MID1: variants seen among roughly 807,000 people sequenced by gnomAD.
MID1 encodes the protein E3 ubiquitin-protein ligase Midline-1.
A neutral mutation model predicts 40.4 loss-of-function variants in MID1; 7 were observed. That is an observed-to-expected ratio of 0.17 (90% CI 0.10 to 0.33). The LOEUF (loss-of-function observed/expected upper bound fraction) is 0.33. Ranked by LOEUF, MID1 falls within the 10% of genes least tolerant of loss-of-function variation. The probability of loss-of-function intolerance (pLI) is 1.00; values close to 1 mark genes in which losing one functional copy is unlikely to be tolerated. For synonymous variants in MID1, 229 were observed against 221.2 expected, an observed-to-expected ratio of 1.04 and a Z score of -0.31; for missense variants, 367 against 558.5, an observed-to-expected ratio of 0.66 and a Z score of 3.46.
intron 1 of MID1, among the ~76,000 whole-genome samples, chrX:10,676,000 C>T (rs2147066358): frequency 8.9e-6 from 1 of 112,063 alleles, no homozygotes; most frequent in Non-Finnish European, 1.9e-5. Flanking sequence ...CTAGGTACTA[C>T]TTGGATTTTT....
chrX:10,636,811 T>TATATATATATAC (rs1199460605), intron 1 of MID1, among the ~76,000 whole-genome samples: 5 of 90,444 alleles, frequency 5.5e-5, no homozygotes, highest in Non-Finnish European at 1.1e-4. Context: ...TATATATATA[T>TATATATATATAC]ATATATACAC....
intron 1 of MID1, among the ~76,000 whole-genome samples, chrX:10,669,711 T>C (rs2042976323): frequency 1.8e-5 from 2 of 112,447 alleles, no homozygotes; most frequent in Admixed American, 1.9e-4. Flanking sequence ...ATAAATCTCA[T>C]ATTTTTTGCA....
At chrX:10,582,000 C>T (rs1157438784) in intron 1 of MID1, among the ~76,000 whole-genome samples, 1 of 111,776 alleles carries the variant, frequency 8.9e-6, no homozygotes, top group Non-Finnish European at 1.9e-5. Flanking sequence ...TTGCTATTTG[C>T]CAGTTTCGTT....
intron 3 of MID1, among the ~76,000 whole-genome samples, chrX:10,516,287 C>A (rs1048654665): frequency 1.0e-4 from 11 of 106,191 alleles, no homozygotes; most frequent in Non-Finnish European, 1.7e-4. Flanking sequence ...CTCTGCCTCC[C>A]GGGTTCACGC....
At chrX:10,683,643 C>T (rs181996472) in intron 1 of MID1, among the ~76,000 whole-genome samples, 6 of 110,168 alleles carry the variant, frequency 5.4e-5, no homozygotes, top group South Asian at 3.9e-4. Flanking sequence ...AAATATTACA[C>T]GCACAGAGAC....
At chrX:10,464,779 T>C (rs934187847) in intron 7 of MID1, among the ~76,000 whole-genome samples, 3 of 111,963 alleles carry the variant, frequency 2.7e-5, no homozygotes, top group African/African-American at 9.8e-5. Flanking sequence ...TGAATTCTAC[T>C]TAGGCCCTGT....
At chrX:10,510,559 G>A (rs1016371016) in intron 3 of MID1, among the ~76,000 whole-genome samples, 11 of 111,526 alleles carry the variant, frequency 9.9e-5, no homozygotes, top group African/African-American at 2.0e-4. Flanking sequence ...CAGGCCGGGC[G>A]TGGTGGCTCA....
At chrX:10,591,759 C>T (rs1935306832) in intron 1 of MID1, among the ~76,000 whole-genome samples, 2 of 108,582 alleles carry the variant, frequency 1.8e-5, no homozygotes, top group Non-Finnish European at 3.8e-5. Flanking sequence ...CTGATCCTGA[C>T]TGGCAGCTCC....
intron 1 of MID1, among the ~76,000 whole-genome samples, chrX:10,770,221 G>A (rs1355778648): frequency 8.9e-6 from 1 of 112,076 alleles, no homozygotes; most frequent in Non-Finnish European, 1.9e-5. Flanking sequence ...TAAAAACAGT[G>A]AGATTTGGCT....
intron 1 of MID1, among the ~76,000 whole-genome samples, chrX:10,761,594 G>C (rs1236915805): frequency 8.9e-6 from 1 of 111,987 alleles, no homozygotes; most frequent in Non-Finnish European, 1.9e-5. Context: ...GGTCTTATGT[G>C]TTTTCACTTG....
intron 1 of MID1, among the ~76,000 whole-genome samples, chrX:10,824,286 A>G (rs2044199856): frequency 8.9e-6 from 1 of 112,216 alleles, no homozygotes; most frequent in African/African-American, 3.2e-5. Flanking sequence ...GTCTGGAAAC[A>G]GAAATTCTCA....
intron 1 of MID1, among the ~76,000 whole-genome samples, chrX:10,816,560 T>A (rs2044137042): frequency 9.0e-6 from 1 of 111,722 alleles, no homozygotes; most frequent in Non-Finnish European, 1.9e-5. Context: ...AGGGTTTTGT[T>A]TGTGCTGGGT....
At chrX:10,576,187 G>A (rs977271668) in intron 1 of MID1, among the ~76,000 whole-genome samples, 13 of 110,445 alleles carry the variant, frequency 1.2e-4, no homozygotes, top group African/African-American at 3.6e-4. Flanking sequence ...TTTTAATTTC[G>A]CCAAACACCC....
chrX:10,449,086 C>T lies in MID1; in HGVS notation c.*282G>A, dbSNP rs191424607. ...TTATGGGCCTCTTAATGTGCAAAAC[C>T]AAGTAATTCCTAAAAGTTGTAATCC... On this transcript the variant is annotated 3_prime_UTR_variant, in exon 10 of 10. Coordinates refer to ENST00000317552, the MANE Select transcript of MID1 (RefSeq NM_000381.4). 3.5e-6 allele frequency: 1 copy of T among 285,623 alleles called. No individual in the cohort carries two copies. Among genetic ancestry groups the T allele is most frequent in the Non-Finnish European group, 6.1e-6 (1 of 162,803 alleles). 23.5% of individuals were successfully genotyped at this position (285,623 alleles called of 1,213,427 possible).
intron 1 of MID1, among the ~76,000 whole-genome samples, chrX:10,811,870 T>A (rs1016727973): frequency 7.1e-5 from 8 of 112,186 alleles, no homozygotes; most frequent in Admixed American, 3.8e-4. Context: ...TAATTTACTA[T>A]AAAAGGCCGT....
At chrX:10,819,028 G>A (rs1213634800) in intron 1 of MID1, among the ~76,000 whole-genome samples, 1 of 111,924 alleles carries the variant, frequency 8.9e-6, no homozygotes, top group Non-Finnish European at 1.9e-5. Context: ...GAAAACCAGA[G>A]TTATTTTCTA....
chrX:10,744,423 A>G (rs1391088908), intron 1 of MID1, among the ~76,000 whole-genome samples: 2 of 111,901 alleles, frequency 1.8e-5, no homozygotes, highest in East Asian at 2.8e-4. Flanking sequence ...GGTCCTGTGA[A>G]TTAATTTATC....
At chrX:10,641,846 G>T (rs912010628) in intron 1 of MID1, among the ~76,000 whole-genome samples, 2 of 111,868 alleles carry the variant, frequency 1.8e-5, no homozygotes, top group African/African-American at 6.5e-5. Context: ...TCCCTGGGAT[G>T]CAAGGCTGGT....
chrX:10,655,277 C>A (rs2147578116), intron 1 of MID1, among the ~76,000 whole-genome samples: 1 of 111,742 alleles, frequency 8.9e-6, no homozygotes, highest in East Asian at 2.8e-4. Flanking sequence ...CTTCCTCTCC[C>A]ATCATCTGGG....
Sources: gnomAD v4.1 joint callset for allele counts (sites outside exome capture counted in the v4.1 genomes callset) on GRCh38, gnomAD v4.1.1 for gene constraint, MANE v1.5 for transcripts, NCBI Gene and HGNC (gene_info 2026-07-23, HGNC 2026-07-21) for gene names.